Variants in ZNF717 observed in about 807,000 individuals in gnomAD.
ZNF717 encodes the protein zinc finger protein 717.
In ZNF717, 9 loss-of-function variants were observed where a neutral mutation model predicts 13.8. The observed-to-expected ratio is 0.65, with a 90% confidence interval of 0.39 to 1.14. The LOEUF is 1.14. Among genes scored for constraint, ZNF717 ranks in the 50% most tolerant of loss-of-function variants. ZNF717 has a pLI of 0.01. For synonymous variants in ZNF717, 327 were observed against 364.1 expected (o/e 0.90, Z 1.16); for missense variants, 1,040 against 1,080.7 (o/e 0.96, Z 0.53).
chr3:75,783,278 CAA>C, intron 2 of ZNF717, 26 bp downstream of exon 2: 2 of 1,530,434 alleles, frequency 1.3e-6, no homozygotes, highest in Non-Finnish European at 1.8e-6. Context: ...CAGTGTAAAA[CAA>C]AGTGAAGAAC....
chr3:75,725,071 T>C (rs1315364561), downstream of ZNF717, among the ~76,000 whole-genome samples: 5 of 151,714 alleles, frequency 3.3e-5, no homozygotes, highest in African/African-American at 7.3e-5. Context: ...ACTCCTCGAC[T>C]CAGTGAAACC....
intron 2 of ZNF717, among the ~76,000 whole-genome samples, chr3:75,776,535 C>A (rs76024043): frequency 7.7e-6 from 1 of 129,860 alleles, no homozygotes; most frequent in Non-Finnish European, 1.7e-5. Flanking sequence ...CTGAGGACAG[C>A]GAACCCCTTC....
chr3:75,702,719 G>A (rs1575711779), intron 6 of ZNF717, among the ~76,000 whole-genome samples: 1 of 152,306 alleles, frequency 6.6e-6, no homozygotes, highest in African/African-American at 2.4e-5. Context: ...AGTATGTCAT[G>A]TACCCCCATA....
At chr3:75,774,050 C>CAA (rs979088585) in intron 2 of ZNF717, among the ~76,000 whole-genome samples, 1 of 148,740 alleles carries the variant, frequency 6.7e-6, no homozygotes, top group South Asian at 2.1e-4. Context: ...AAATCCATCT[C>CAA]AAAAAAAAAT....
intron 2 of ZNF717, among the ~76,000 whole-genome samples, chr3:75,754,369 T>C (rs568371530): frequency 6.6e-6 from 1 of 150,732 alleles, no homozygotes; most frequent in African/African-American, 2.5e-5. Flanking sequence ...TAAAAAAAAA[T>C]ACAATTTGTA....
intron 4 of ZNF717, among the ~76,000 whole-genome samples, chr3:75,740,718 C>A (rs1386101423): frequency 1.3e-5 from 2 of 152,098 alleles, no homozygotes; most frequent in African/African-American, 4.8e-5. Context: ...GTAGTCCTAG[C>A]TACTTGGGAG....
chr3:75,771,529 G>C (rs181662921), intron 2 of ZNF717, among the ~76,000 whole-genome samples: 2 of 152,248 alleles, frequency 1.3e-5, no homozygotes, highest in Non-Finnish European at 1.5e-5. Flanking sequence ...AGTGTGGTGA[G>C]CAGGGTTGCT....
At chr3:75,714,304 G>A (rs1198797235) in intron 5 of ZNF717, among the ~76,000 whole-genome samples, 12 of 152,118 alleles carry the variant, frequency 7.9e-5, no homozygotes, top group African/African-American at 2.2e-4. Context: ...GCTAGACCAC[G>A]GTCCGCTTAG....
downstream of ZNF717, among the ~76,000 whole-genome samples, chr3:75,725,802 C>A (rs76459773): frequency 4.5e-4 from 68 of 152,332 alleles, no homozygotes; most frequent in African/African-American, 1.6e-3. Flanking sequence ...TACCTCCCCC[C>A]AGGTTCCTCC....
At chr3:75,702,485 G>A (rs62246535) in intron 6 of ZNF717, among the ~76,000 whole-genome samples, 22,479 of 151,288 alleles carry the variant, frequency 0.15, 262 homozygotes, top group Non-Finnish European at 0.15. Context: ...GGGCAGTGAC[G>A]GAACAGGGGG....
At chr3:75,700,046 T>A (rs1937654343) in intron 6 of ZNF717, among the ~76,000 whole-genome samples, 1 of 152,236 alleles carries the variant, frequency 6.6e-6, no homozygotes. Flanking sequence ...AGAATCAGTA[T>A]TTTTTAAAAT....
chr3:75,731,333 T>A (rs62248840), downstream of ZNF717, among the ~76,000 whole-genome samples: 2 of 152,156 alleles, frequency 1.3e-5, no homozygotes, highest in African/African-American at 4.8e-5. Context: ...GCCAAGATCA[T>A]GCCACTGCAC....
At chr3:75,696,921 G>T (rs1200881681) in intron 6 of ZNF717, among the ~76,000 whole-genome samples, 4 of 142,766 alleles carry the variant, frequency 2.8e-5, no homozygotes, top group African/African-American at 1.0e-4. Context: ...AAAAAAACAA[G>T]GACAAAATCC....
chr3:75,710,120 G>T (rs1350178514), exon 6 of ZNF717: 6 of 149,316 alleles, frequency 4.0e-5, no homozygotes, highest in African/African-American at 1.5e-4. Flanking sequence ...TATTCTGTTA[G>T]GAGTTGTACT....
chr3:75,747,519 G>T (rs752822725), intron 2 of ZNF717, among the ~76,000 whole-genome samples: 26 of 152,064 alleles, frequency 1.7e-4, no homozygotes, highest in Middle Eastern at 3.2e-3. Context: ...ACTGGTTTGT[G>T]TCCTCTTTTA....
intron 2 of ZNF717, among the ~76,000 whole-genome samples, chr3:75,777,014 C>G (rs2107694888): frequency 6.6e-6 from 1 of 152,348 alleles, no homozygotes; most frequent in African/African-American, 2.4e-5. Context: ...ATGCCAAATT[C>G]TTGGTGATAT....
intron 2 of ZNF717, among the ~76,000 whole-genome samples, chr3:75,745,214 A>G (rs1306517999): frequency 2.7e-5 from 4 of 149,204 alleles, no homozygotes; most frequent in Non-Finnish European, 5.9e-5. Flanking sequence ...TTTTTAATTG[A>G]CATATGACAT....
intron 2 of ZNF717, among the ~76,000 whole-genome samples, chr3:75,755,209 G>C (rs894390012): frequency 6.6e-6 from 1 of 152,208 alleles, no homozygotes; most frequent in African/African-American, 2.4e-5. Flanking sequence ...AAATTCTTTA[G>C]AGGGAAACAA....
chr3:75,723,246 C>A (rs1938203197), intron 4 of ZNF717, among the ~76,000 whole-genome samples: 1 of 35,596 alleles, frequency 2.8e-5, no homozygotes, highest in Non-Finnish European at 5.5e-5. Context: ...AAGACAATCT[C>A]ACTTTTTTTT....
Sources: gnomAD v4.1 joint callset for allele counts (sites outside exome capture counted in the v4.1 genomes callset) on GRCh38, gnomAD v4.1.1 for gene constraint, MANE v1.5 for transcripts, NCBI Gene and HGNC (gene_info 2026-07-23, HGNC 2026-07-21) for gene names.